The following CTNNA3 variants were observed in gnomAD, a reference collection of about 807,000 sequenced individuals.
CTNNA3 encodes the protein catenin alpha-3.
A neutral mutation model predicts 95.7 loss-of-function variants in CTNNA3; 76 were observed. The ratio of observed to expected loss-of-function variants is 0.79; its 90% CI spans 0.66 to 0.96. The LOEUF is 0.96. CTNNA3 is among the 40% of genes least tolerant of loss of function. The pLI is 0.00. For synonymous variants in CTNNA3, 431 were observed against 374.4 expected, an observed-to-expected ratio of 1.15 and a Z score of -1.74; for missense variants, 1,191 against 1,089.8, an observed-to-expected ratio of 1.09 and a Z score of -1.31.
intron 7 of CTNNA3, among the ~76,000 whole-genome samples, chr10:66,786,334 G>A (rs1840743414): frequency 6.6e-6 from 1 of 152,044 alleles, no homozygotes; most frequent in South Asian, 2.1e-4. Flanking sequence ...TCAGAAACCT[G>A]AGAGCTAGAA....
intron 13 of CTNNA3, among the ~76,000 whole-genome samples, chr10:66,114,788 A>T (rs2082259998): frequency 6.6e-6 from 1 of 151,912 alleles, no homozygotes; most frequent in South Asian, 2.1e-4. Context: ...CTGAAGCAGG[A>T]GAATCACTTG....
chr10:67,668,826 GTGTTTC>G (rs1840376668), intron 1 of CTNNA3, among the ~76,000 whole-genome samples: 1 of 141,964 alleles, frequency 7.0e-6, no homozygotes, highest in East Asian at 2.2e-4. Flanking sequence ...GGGGCCTACT[GTGTTTC>G]TTTTTTTTTT....
chr10:67,497,459 T>G (rs1477050521), intron 5 of CTNNA3, among the ~76,000 whole-genome samples: 1 of 152,200 alleles, frequency 6.6e-6, no homozygotes, highest in Admixed American at 6.5e-5. Flanking sequence ...GTAATGGGAT[T>G]GCTGGGTCCA....
chr10:66,359,942 T>G (rs1208925542), intron 12 of CTNNA3, among the ~76,000 whole-genome samples: 4 of 151,940 alleles, frequency 2.6e-5, no homozygotes, highest in African/African-American at 9.7e-5. Context: ...TTCTCCTGCC[T>G]AAGCCTCCTG....
chr10:65,932,709 C>A (rs568947299), intron 17 of CTNNA3, among the ~76,000 whole-genome samples: 1 of 152,262 alleles, frequency 6.6e-6, no homozygotes, highest in South Asian at 2.1e-4. Flanking sequence ...TGGCTAAGGT[C>A]TCCCAACACA....
chr10:66,255,604 C>T (rs991878562), intron 13 of CTNNA3, among the ~76,000 whole-genome samples: 1 of 152,136 alleles, frequency 6.6e-6, no homozygotes, highest in African/African-American at 2.4e-5. Context: ...TACCTACACC[C>T]TTTCCATCTG....
chr10:66,819,212 A>G (rs4746638), intron 7 of CTNNA3, among the ~76,000 whole-genome samples: 35,708 of 151,872 alleles, frequency 0.24, 4,308 homozygotes, highest in Middle Eastern at 0.31. Context: ...ATTGATATTT[A>G]GAAGAGTACC....
Position 67,031,539 on chromosome 10 carries a change from A to G in CTNNA3, c.1047+148778T>C, listed in dbSNP as rs148518427. Among the ~76,000 whole-genome samples, 172 of 152,316 alleles carry G rather than the reference A, an allele frequency of 1.1e-3. 2 individuals are homozygous for G. The highest frequency in any genetic ancestry group is 4.0e-3 in the African/African-American group (166 of 41,564). ...GGAATACTGCCAAGTAATGTCACTA[A>G]AAGACTGACAGGGACTACTTAGGAC... On this transcript the variant is annotated intron_variant, in intron 7 of 17. Coordinates refer to ENST00000433211, the MANE Select transcript of CTNNA3 (RefSeq NM_013266.4).
intron 1 of CTNNA3, among the ~76,000 whole-genome samples, chr10:67,723,029 C>T (rs183814029): frequency 2.4e-3 from 356 of 147,830 alleles, no homozygotes; most frequent in Non-Finnish European, 3.1e-3. Flanking sequence ...CTCTGTCGCC[C>T]AGGTTGCAGT....
intron 1 of CTNNA3, among the ~76,000 whole-genome samples, chr10:67,685,873 T>G (rs988225367): frequency 6.6e-6 from 1 of 152,244 alleles, no homozygotes; most frequent in Admixed American, 6.5e-5. Flanking sequence ...TCTTCCTCTC[T>G]CTGTCTCTCT....
chr10:66,215,301 A>G (rs2088453947), intron 13 of CTNNA3, among the ~76,000 whole-genome samples: 1 of 152,250 alleles, frequency 6.6e-6, no homozygotes, highest in African/African-American at 2.4e-5. Context: ...CTATTTTTTC[A>G]GTGTTTGAGC....
At chr10:67,722,526 T>C (rs1226921196) in intron 1 of CTNNA3, among the ~76,000 whole-genome samples, 1 of 152,166 alleles carries the variant, frequency 6.6e-6, no homozygotes, top group Non-Finnish European at 1.5e-5. Context: ...CAAAAGAAAC[T>C]GTCAAGGCTG....
intron 5 of CTNNA3, among the ~76,000 whole-genome samples, chr10:67,283,592 G>T (rs1839483429): frequency 6.6e-6 from 1 of 152,162 alleles, no homozygotes; most frequent in South Asian, 2.1e-4. Flanking sequence ...GACCCCAGAA[G>T]CATGCTAATG....
At chr10:66,396,743 C>T (rs1487859217) in intron 11 of CTNNA3, among the ~76,000 whole-genome samples, 2 of 151,838 alleles carry the variant, frequency 1.3e-5, no homozygotes, top group East Asian at 1.9e-4. Flanking sequence ...AATTACCATC[C>T]TCAAAGAAAT....
intron 16 of CTNNA3, among the ~76,000 whole-genome samples, chr10:65,978,144 T>A (rs1267755661): frequency 6.6e-6 from 1 of 152,116 alleles, no homozygotes; most frequent in Non-Finnish European, 1.5e-5. Context: ...TGTCTCCTTT[T>A]TTGTTTATGA....
At chr10:67,598,312 T>C (rs551089184) in intron 3 of CTNNA3, among the ~76,000 whole-genome samples, 27 of 152,206 alleles carry the variant, frequency 1.8e-4, no homozygotes, top group African/African-American at 6.3e-4. Flanking sequence ...GCACCTAGGA[T>C]TCTTGAGGTC....
At chr10:66,673,481 A>G (rs114137283) in intron 9 of CTNNA3, among the ~76,000 whole-genome samples, 47 of 152,222 alleles carry the variant, frequency 3.1e-4, no homozygotes, top group African/African-American at 1.0e-3. Context: ...AGTAATGACC[A>G]CAAATAAAAT....
chr10:67,256,345 A>G (rs529166320), intron 5 of CTNNA3, among the ~76,000 whole-genome samples: 1 of 152,280 alleles, frequency 6.6e-6, no homozygotes, highest in East Asian at 1.9e-4. Context: ...TTCAGTCTGA[A>G]TTGTTTACTT....
chr10:65,996,953 T>C (rs1393475124), intron 15 of CTNNA3, among the ~76,000 whole-genome samples: 1 of 152,238 alleles, frequency 6.6e-6, no homozygotes, highest in African/African-American at 2.4e-5. Context: ...ATGCCTCTAG[T>C]CAGCCATCTT....
Sources: allele counts gnomAD v4.1 joint callset (sites outside exome capture counted in the v4.1 genomes callset), GRCh38; gene constraint gnomAD v4.1.1; transcripts MANE v1.5; gene names NCBI Gene and HGNC (gene_info 2026-07-23, HGNC 2026-07-21).